SORCS1: variants seen among roughly 807,000 people sequenced by gnomAD.
SORCS1 encodes the protein sortilin related VPS10 domain containing receptor 1, also known as VPS10 domain-containing receptor SorCS1.
Under a neutral mutation model 146.1 loss-of-function variants are expected in SORCS1, and 60 were observed. The observed-to-expected ratio is 0.41, with a 90% confidence interval of 0.33 to 0.51. The LOEUF (loss-of-function observed/expected upper bound fraction) is 0.51. Among genes scored for constraint, SORCS1 ranks in the 20% least tolerant of loss-of-function variants. SORCS1 has a pLI of 0.21. For synonymous variants in SORCS1, 637 were observed against 584.0 expected (o/e 1.09, Z -1.31); for missense variants, 1,352 against 1,487.6 (o/e 0.91, Z 1.50).
chr10:107,174,957 T>C, the SORCS1 span, among the ~76,000 whole-genome samples: 2 of 152,178 alleles, frequency 1.3e-5, no homozygotes, highest in Non-Finnish European at 2.9e-5. Flanking sequence ...AAATTCCTAA[T>C]TTGCTGACAT....
At chr10:106,688,545 T>C (rs1222966116) in intron 9 of SORCS1, among the ~76,000 whole-genome samples, 3 of 152,126 alleles carry the variant, frequency 2.0e-5, no homozygotes, top group South Asian at 2.1e-4. Context: ...ATCCTTATCA[T>C]ATGGGGGTCA....
chr10:106,743,230 G>A (rs1217331667), intron 5 of SORCS1, among the ~76,000 whole-genome samples: 1 of 151,888 alleles, frequency 6.6e-6, no homozygotes, highest in Non-Finnish European at 1.5e-5. Context: ...AGAATGAGAA[G>A]GGCAAATGAA....
rs1214274190 is a variant in SORCS1, at chr10:106,989,692, T to G, written c.559-33112A>C. Reference sequence around the variant, plus strand: ...TCTGTTTTTTTTTGTTTTTTTTTTTTTTTTTTTTTTCTGAGATGGAGTCTC... The same window carrying G: ...TCTGTTTTTTTTTGTTTTTTTTTTTGTTTTTTTTTTCTGAGATGGAGTCTC... On this transcript the variant is annotated intron_variant, in intron 1 of 25. Transcript: ENST00000263054. Among the ~76,000 whole-genome samples, 133 of 141,882 alleles carry G rather than the reference T, an allele frequency of 9.4e-4. 3 individuals carry two copies. The highest frequency in any genetic ancestry group is 3.4e-3 in the African/African-American group (126 of 36,676). The allele number at this position is 141,882 out of a possible 152,430, so 93.1% of individuals were successfully genotyped here. A position where few individuals can be genotyped will look rare whatever the true frequency, so the allele number is the denominator to read the frequency against.
chr10:106,695,308 C>A (rs1391759360), intron 9 of SORCS1, among the ~76,000 whole-genome samples: 1 of 152,144 alleles, frequency 6.6e-6, no homozygotes, highest in East Asian at 1.9e-4. Flanking sequence ...ATTGACTTTT[C>A]CCCAGATCAT....
At position 106,577,401 on chromosome 10, in the gene SORCS1, T is replaced by C. The variant is rs1479297317; in HGVS notation, c.*19A>G. 1.2e-6 allele frequency: 2 copies of C among 1,613,766 alleles called. No homozygotes were observed. The highest frequency in any genetic ancestry group is 1.7e-5 in the Admixed American group (1 of 60,000). On this transcript the variant is annotated 3_prime_UTR_variant, in exon 26 of 26. Coordinates refer to ENST00000263054, the MANE Select transcript of SORCS1 (RefSeq NM_052918.5). ...TCTTTCCTGATCAGCAGGTCGCCTG[T>C]AGCCTTTGGGGGTTTTCCTTAAATT...
intron 1 of SORCS1, among the ~76,000 whole-genome samples, chr10:107,099,256 T>A (rs1001662613): frequency 3.3e-5 from 5 of 152,166 alleles, no homozygotes; most frequent in African/African-American, 4.8e-5. Flanking sequence ...ATATGATATA[T>A]CTCTCTTTAT....
chr10:106,767,412 C>T (rs1212937794), intron 4 of SORCS1, among the ~76,000 whole-genome samples: 4 of 152,144 alleles, frequency 2.6e-5, no homozygotes. Context: ...TTGTGAACAC[C>T]TCCTGTGCAT....
chr10:106,825,493 C>T (rs1948259513), intron 3 of SORCS1, among the ~76,000 whole-genome samples: 1 of 151,798 alleles, frequency 6.6e-6, no homozygotes, highest in Non-Finnish European at 1.5e-5. Context: ...AGGATGGTCT[C>T]AATCTCCTGA....
chr10:106,895,121 G>A (rs181617724), intron 2 of SORCS1, among the ~76,000 whole-genome samples: 1 of 152,132 alleles, frequency 6.6e-6, no homozygotes, highest in Admixed American at 6.5e-5. Context: ...CTCACAGTTA[G>A]ATGATTTCCT....
chr10:106,751,501 GA>G (rs1858236080), intron 5 of SORCS1, among the ~76,000 whole-genome samples: 2 of 152,226 alleles, frequency 1.3e-5, no homozygotes, highest in Non-Finnish European at 2.9e-5. Context: ...CGCACTGTGA[GA>G]GCAGTCTAGG....
chr10:106,590,499 A>T (rs777220253), intron 24 of SORCS1, among the ~76,000 whole-genome samples: 1 of 152,208 alleles, frequency 6.6e-6, no homozygotes, highest in Non-Finnish European at 1.5e-5. Context: ...ACTAGGGTCA[A>T]TGAGAAAACT....
chr10:107,125,069 C>T (rs911276053), intron 1 of SORCS1, among the ~76,000 whole-genome samples: 1 of 151,080 alleles, frequency 6.6e-6, no homozygotes, highest in Admixed American at 6.6e-5. Flanking sequence ...TCCCCTGCCT[C>T]CGCCTCCCAA....
chr10:106,986,065 G>A (rs1956457031), intron 1 of SORCS1, among the ~76,000 whole-genome samples: 2 of 152,142 alleles, frequency 1.3e-5, no homozygotes, highest in Admixed American at 6.5e-5. Flanking sequence ...TTAGGTGATA[G>A]TCATGTCAGA....
At chr10:106,876,350 T>A (rs917584509) in intron 2 of SORCS1, among the ~76,000 whole-genome samples, 1 of 152,200 alleles carries the variant, frequency 6.6e-6, no homozygotes, top group Non-Finnish European at 1.5e-5. Flanking sequence ...TCACTCTGCA[T>A]CCCTTGCATC....
At chr10:106,894,720 G>GA (rs1951397524) in intron 2 of SORCS1, among the ~76,000 whole-genome samples, 1 of 152,196 alleles carries the variant, frequency 6.6e-6, no homozygotes, top group South Asian at 2.1e-4. Flanking sequence ...TGTAGTACCA[G>GA]AAAAACAGGC....
the SORCS1 span, among the ~76,000 whole-genome samples, chr10:107,175,075 T>A: frequency 6.6e-6 from 1 of 152,244 alleles, no homozygotes; most frequent in African/African-American, 2.4e-5. Context: ...TTATCAAATG[T>A]GAAGCTAATT....
chr10:106,681,024 G>T (rs549036605), intron 10 of SORCS1, among the ~76,000 whole-genome samples: 1 of 152,074 alleles, frequency 6.6e-6, no homozygotes, highest in Non-Finnish European at 1.5e-5. Context: ...ACAAATGATT[G>T]GTTTTGCATA....
intron 9 of SORCS1, among the ~76,000 whole-genome samples, chr10:106,696,632 G>A (rs984266700): frequency 6.6e-6 from 1 of 152,184 alleles, no homozygotes; most frequent in African/African-American, 2.4e-5. Context: ...CTGCAAGAGA[G>A]GCACAAAGGG....
chr10:106,992,826 C>CTTTTTTTTTTTTTT (rs36052970), intron 1 of SORCS1, among the ~76,000 whole-genome samples: 2 of 57,086 alleles, frequency 3.5e-5, no homozygotes, highest in Non-Finnish European at 6.0e-5. Context: ...TTCTTTCTTT[C>CTTTTTTTTTTTTTT]TTTTTTTTTT....
Sources: gnomAD v4.1 joint callset for allele counts (sites outside exome capture counted in the v4.1 genomes callset) on GRCh38, gnomAD v4.1.1 for gene constraint, MANE v1.5 for transcripts, NCBI Gene and HGNC (gene_info 2026-07-23, HGNC 2026-07-21) for gene names.